MED13L: variants seen among roughly 807,000 people sequenced by gnomAD.
MED13L encodes mediator complex subunit 13L, also known as mediator of RNA polymerase II transcription subunit 13-like.
MED13L carries 7 observed loss-of-function variants against 220.9 expected under a neutral mutation model. The observed-to-expected ratio is 0.03, with a 90% CI of 0.02 to 0.06. The LOEUF is 0.06. MED13L is among the 10% of genes least tolerant of loss of function. The probability of loss-of-function intolerance (pLI) is 1.00; values close to 1 mark genes in which losing one functional copy is unlikely to be tolerated. For synonymous variants in MED13L, 1,011 were observed against 1,015.2 expected, an observed-to-expected ratio of 1.00 and a Z score of 0.08; for missense variants, 1,965 against 2,760.5, an observed-to-expected ratio of 0.71 and a Z score of 6.46.
rs575034147 is a variant in MED13L, at chr12:116,157,425, C to T, written c.311-45913G>A. On this transcript the variant is annotated intron_variant, in intron 2 of 30. Coordinates refer to ENST00000281928, the MANE Select transcript of MED13L (RefSeq NM_015335.5). ...TGTATCTGAAAAACAGAACAAATTACACGAATCCTTCAGCACTCCAGCCTT... is the reference window on the plus strand; with the variant it reads ...TGTATCTGAAAAACAGAACAAATTATACGAATCCTTCAGCACTCCAGCCTT... Among the ~76,000 whole-genome samples, 8 of 152,276 alleles carry T rather than the reference C, an allele frequency of 5.3e-5. No homozygotes were observed. In the South Asian group the frequency reaches 1.7e-3, roughly 32 times the overall value.
At chr12:116,105,644 A>G (rs1336217641) in intron 3 of MED13L, among the ~76,000 whole-genome samples, 3 of 152,224 alleles carry the variant, frequency 2.0e-5, no homozygotes, top group South Asian at 2.1e-4. Context: ...TTTCAGAAAC[A>G]TATCTGTTTC....
intron 4 of MED13L, among the ~76,000 whole-genome samples, chr12:116,025,703 T>C (rs1592960043): frequency 6.6e-6 from 1 of 152,134 alleles, no homozygotes; most frequent in African/African-American, 2.4e-5. Flanking sequence ...AGAACAGAAT[T>C]GCCATTATCA....
intron 2 of MED13L, among the ~76,000 whole-genome samples, chr12:116,145,806 T>C (rs1382380997): frequency 6.6e-6 from 1 of 151,832 alleles, no homozygotes; most frequent in African/African-American, 2.4e-5. Context: ...GAACTAAATC[T>C]AGGTGACAGC....
At chr12:116,046,158 C>A (rs1881819663) in intron 4 of MED13L, among the ~76,000 whole-genome samples, 1 of 152,056 alleles carries the variant, frequency 6.6e-6, no homozygotes, top group Non-Finnish European at 1.5e-5. Context: ...CTCACACACA[C>A]AAAAAAGAAT....
At position 115,966,229 on chromosome 12, in the gene MED13L, A is replaced by T. The variant is rs1368047943; in HGVS notation, c.6240T>A (p.Arg2080=). The change falls in exon 29 of 31, where the codon CGT becomes CGA. Residue 2080 remains arginine, a synonymous_variant. Coordinates refer to ENST00000281928, the MANE Select transcript of MED13L (RefSeq NM_015335.5). The stretch of plus-strand genomic sequence containing the variant: ...CCTCTGGTGCTTCTCTAGAAAGAAG[A>T]CGCTCACCCTGGCTCTGAAAAACAA... ...HFQHSRSQGE[R]LLSREAPEEL... The T allele has an allele frequency of 2.5e-6, 4 of 1,614,154 alleles. No homozygotes were observed. The highest frequency in any genetic ancestry group is 3.4e-6 in the Non-Finnish European group (4 of 1,180,010).
At chr12:116,026,678 T>C (rs890263182) in intron 4 of MED13L, among the ~76,000 whole-genome samples, 1 of 152,164 alleles carries the variant, frequency 6.6e-6, no homozygotes, top group Non-Finnish European at 1.5e-5. Context: ...AAATCCCAAC[T>C]ATTAAATTCT....
At chr12:116,128,813 CAAG>C (rs1875820829) in intron 2 of MED13L, among the ~76,000 whole-genome samples, 1 of 152,066 alleles carries the variant, frequency 6.6e-6, no homozygotes, top group Non-Finnish European at 1.5e-5. Context: ...TGCATGTAAA[CAAG>C]AATAGGGCAT....
chr12:115,975,125 C>T (rs751183683), intron 25 of MED13L, 46 bp downstream of exon 25: 26 of 1,581,832 alleles, frequency 1.6e-5, no homozygotes, highest in Admixed American at 1.2e-4. Context: ...AATAGCTGAG[C>T]CCTTTTCCTC....
At chr12:116,154,968 A>G (rs1031422746) in intron 2 of MED13L, among the ~76,000 whole-genome samples, 9 of 152,156 alleles carry the variant, frequency 5.9e-5, no homozygotes, top group African/African-American at 2.2e-4. Flanking sequence ...CTGGGACTTC[A>G]GGCACACAAC....
intron 26 of MED13L, among the ~76,000 whole-genome samples, chr12:115,971,225 G>A (rs1440389863): frequency 3.3e-5 from 5 of 152,176 alleles, no homozygotes; most frequent in Non-Finnish European, 7.3e-5. Context: ...CATCGCATTT[G>A]ATCATCACAG....
intron 1 of MED13L, among the ~76,000 whole-genome samples, chr12:116,271,233 T>C (rs1873310422): frequency 6.6e-6 from 1 of 151,806 alleles, no homozygotes; most frequent in Non-Finnish European, 1.5e-5. Context: ...GTGTGTGCGC[T>C]AGAATACTAT....
chr12:116,006,177 T>C (rs1014111022), intron 12 of MED13L, 129 bp downstream of exon 12: 12 of 1,228,402 alleles, frequency 9.8e-6, no homozygotes, highest in Non-Finnish European at 1.3e-5. Context: ...AAAAACAAAC[T>C]ATGAAAAATA....
At chr12:116,002,276 CA>C (rs1210666145) in intron 14 of MED13L, among the ~76,000 whole-genome samples, 1 of 152,190 alleles carries the variant, frequency 6.6e-6, no homozygotes, top group African/African-American at 2.4e-5. Context: ...AGTAAATCAG[CA>C]CTACATTTAT....
At chr12:116,053,309 A>G (rs1371458717) in intron 4 of MED13L, among the ~76,000 whole-genome samples, 1 of 152,212 alleles carries the variant, frequency 6.6e-6, no homozygotes, top group Non-Finnish European at 1.5e-5. Context: ...ATGACCATAA[A>G]TAAGTATAAT....
intron 4 of MED13L, among the ~76,000 whole-genome samples, chr12:116,086,221 G>A (rs1025321096): frequency 6.6e-6 from 1 of 151,632 alleles, no homozygotes; most frequent in African/African-American, 2.4e-5. Flanking sequence ...TTCTATCAAG[G>A]AGGCAGCTCC....
intron 2 of MED13L, among the ~76,000 whole-genome samples, chr12:116,208,231 C>G (rs552280775): frequency 6.6e-6 from 1 of 152,112 alleles, no homozygotes; most frequent in South Asian, 2.1e-4. Flanking sequence ...CCGGTTTCTA[C>G]TAAAAATACA....
chr12:116,259,936 T>G (rs1375715889), intron 1 of MED13L, among the ~76,000 whole-genome samples: 1 of 137,592 alleles, frequency 7.3e-6, no homozygotes, highest in Non-Finnish European at 1.6e-5. Flanking sequence ...GAAATGTTAG[T>G]GAGTACAGCT....
intron 8 of MED13L, 23 bp downstream of exon 8, chr12:116,015,086 T>C (rs1367129758): frequency 1.2e-6 from 2 of 1,604,484 alleles, no homozygotes; most frequent in Non-Finnish European, 1.7e-6. Context: ...AACTATGATC[T>C]AGACATAATC....
chr12:116,242,206 A>G (rs61937362), intron 1 of MED13L, among the ~76,000 whole-genome samples: 25,848 of 151,792 alleles, frequency 0.17, 2,438 homozygotes, highest in Middle Eastern at 0.27. Flanking sequence ...CACCACACCC[A>G]GCTAATTTTT....
Sources: gnomAD v4.1 joint callset for allele counts (sites outside exome capture counted in the v4.1 genomes callset) on GRCh38, gnomAD v4.1.1 for gene constraint, MANE v1.5 for transcripts, NCBI Gene and HGNC (gene_info 2026-07-23, HGNC 2026-07-21) for gene names.